Variants in M1AP observed in about 807,000 individuals in gnomAD.
M1AP encodes the protein meiosis 1 associated protein.
Under a neutral mutation model 51.2 loss-of-function variants are expected in M1AP, and 39 were observed. That is an observed-to-expected ratio of 0.76 (90% CI 0.59 to 1.00). The LOEUF is 1.00. Among genes scored for constraint, M1AP ranks in the 50% least tolerant of loss-of-function variants. The pLI is 0.00. For missense variants in M1AP, 545 were observed against 641.2 expected (o/e 0.85, Z 1.62); for synonymous variants, 251 against 249.2 (o/e 1.01, Z -0.07).
intron 4 of M1AP, among the ~76,000 whole-genome samples, chr2:74,582,688 C>A (rs188784950): frequency 6.6e-6 from 1 of 152,082 alleles, no homozygotes; most frequent in African/African-American, 2.4e-5. Flanking sequence ...TACTTCTATA[C>A]TGTTTGAATT....
At chr2:74,643,266 T>G (rs1230053321) in intron 1 of M1AP, among the ~76,000 whole-genome samples, 7 of 152,144 alleles carry the variant, frequency 4.6e-5, no homozygotes, top group African/African-American at 1.7e-4. Flanking sequence ...AATGGATAAA[T>G]CATAGTATAT....
chr2:74,640,125 G>C lies in M1AP; in HGVS notation c.151C>G (p.Leu51Val), dbSNP rs1191151446. The change falls in exon 2 of 11, where the codon CTA (leucine) becomes GTA (valine). Residue 51 changes from leucine (L) to valine (V), a missense_variant. By Grantham distance (32) the Leu-to-Val change is conservative (BLOSUM62 1). Coordinates refer to ENST00000421985, the MANE Select transcript of M1AP (RefSeq NM_001321739.2). ...LCEALQNFFSLACSLMGPSRM... is the reference protein window; with the variant it reads ...LCEALQNFFSVACSLMGPSRM... ...CTGGGGCCCATCAAGCTGCAGGCTA[G>C]AGAGAAGAAGTTCTGCAGAGCCTCA... is the stretch of plus-strand genomic sequence containing the variant. 6 of 1,614,064 alleles carry C rather than the reference G, an allele frequency of 3.7e-6. No homozygotes were observed. Among genetic ancestry groups the C allele is most frequent in the Non-Finnish European group, 4.2e-6 (5 of 1,180,004 alleles).
rs1156595449 is a variant in M1AP at position 74,609,382 on chromosome 2, C to G, written c.427-2159G>C. On this transcript the variant is annotated intron_variant, in intron 3 of 10. Transcript: ENST00000421985. ...GACTCATCCATGTTGTCACAAACAA[C>G]AGGCTTTTATTCTTTCTTATGAAGG... 3.3e-5 allele frequency among the ~76,000 whole-genome samples: 5 copies of G among 152,308 alleles called. No individual in the cohort carries two copies. The East Asian group carries it at 9.6e-4, about 29-fold the overall frequency.
At chr2:74,618,885 T>C in intron 2 of M1AP, 1 of 518,624 alleles carries the variant, frequency 1.9e-6, no homozygotes. Context: ...TGTTCAGTCT[T>C]ACAGCTCTTG....
At chr2:74,604,110 T>C (rs2104690293) in intron 4 of M1AP, among the ~76,000 whole-genome samples, 1 of 152,338 alleles carries the variant, frequency 6.6e-6, no homozygotes, top group South Asian at 2.1e-4. Context: ...TGCCTTAGAA[T>C]GAAATCCAAA....
chr2:74,564,541 T>C (rs935018508), intron 7 of M1AP, among the ~76,000 whole-genome samples: 2 of 152,238 alleles, frequency 1.3e-5, no homozygotes, highest in African/African-American at 4.8e-5. Flanking sequence ...AGGCACCAGG[T>C]ACTGTGCCAA....
chr2:74,637,779 T>G (rs1017582379), intron 2 of M1AP, among the ~76,000 whole-genome samples: 1 of 152,234 alleles, frequency 6.6e-6, no homozygotes, highest in African/African-American at 2.4e-5. Context: ...CAGGTACCAC[T>G]GTCTCTAGTC....
At chr2:74,616,659 C>T (rs1016834499) in intron 2 of M1AP, among the ~76,000 whole-genome samples, 1 of 152,118 alleles carries the variant, frequency 6.6e-6, no homozygotes, top group African/African-American at 2.4e-5. Context: ...TTCCTATGAG[C>T]ATAGGCTCTA....
At chr2:74,566,271 G>T (rs542067841) in intron 7 of M1AP, among the ~76,000 whole-genome samples, 75 of 152,158 alleles carry the variant, frequency 4.9e-4, no homozygotes, top group Non-Finnish European at 7.8e-4. Flanking sequence ...TCATATCAGA[G>T]AGCTATGGTG....
intron 1 of M1AP, among the ~76,000 whole-genome samples, chr2:74,645,163 C>T (rs949787478): frequency 6.6e-5 from 10 of 152,114 alleles, no homozygotes; most frequent in African/African-American, 1.9e-4. Flanking sequence ...ACTCCACACA[C>T]GCCGCCTTAA....
At chr2:74,608,326 T>A (rs1381045673) in intron 3 of M1AP, among the ~76,000 whole-genome samples, 1 of 152,218 alleles carries the variant, frequency 6.6e-6, no homozygotes, top group Non-Finnish European at 1.5e-5. Flanking sequence ...GTCATATAGT[T>A]GGGGATATAT....
At position 74,560,171 on chromosome 2, in the gene M1AP, C is replaced by T; in HGVS notation, c.1402G>A (p.Glu468Lys). The T allele has an allele frequency of 3.1e-6, 5 of 1,613,888 alleles. No homozygotes were observed. The highest frequency in any genetic ancestry group is 2.2e-5 in the East Asian group (1 of 44,862). The change falls in exon 9 of 11, where the codon GAG (glutamate) becomes AAG (lysine). Residue 468 changes from glutamate (E) to lysine (K), a missense_variant. Physicochemically the swap from Glu to Lys is moderately conservative, Grantham distance 56. Coordinates refer to ENST00000421985, the MANE Select transcript of M1AP (RefSeq NM_001321739.2). The part of the protein sequence containing the change: ...KPQGRLHPHW[E>K]SRAPRKHPCK... Reference sequence around the variant, plus strand: ...GGTACCTTTCTCGGAGCTCGGCTCTCCCAGTGTGGGTGGAGCCGCCCCTGA... The same window carrying T: ...GGTACCTTTCTCGGAGCTCGGCTCTTCCAGTGTGGGTGGAGCCGCCCCTGA...
At chr2:74,637,872 C>G (rs6739708) in intron 2 of M1AP, among the ~76,000 whole-genome samples, 58,326 of 151,872 alleles carry the variant, frequency 0.38, 18,208 homozygotes, top group African/African-American at 0.83. Context: ...ACTCAAGGGG[C>G]ACCCTCTTCA....
chr2:74,589,171 T>C (rs940938456), intron 4 of M1AP, among the ~76,000 whole-genome samples: 1 of 152,246 alleles, frequency 6.6e-6, no homozygotes, highest in Non-Finnish European at 1.5e-5. Flanking sequence ...AAGTGAGTCA[T>C]AAAAACATTT....
At chr2:74,630,613 G>A (rs1223508567) in intron 2 of M1AP, among the ~76,000 whole-genome samples, 1 of 152,194 alleles carries the variant, frequency 6.6e-6, no homozygotes, top group Non-Finnish European at 1.5e-5. Flanking sequence ...TTAGTTTGCT[G>A]AGTATGATGG....
chr2:74,616,429 A>C (rs2104744519), intron 2 of M1AP, among the ~76,000 whole-genome samples: 1 of 152,314 alleles, frequency 6.6e-6, no homozygotes, highest in African/African-American at 2.4e-5. Flanking sequence ...TTTGATACTC[A>C]CCATTATTCA....
At chr2:74,632,710 CA>C (rs1162913310) in intron 2 of M1AP, among the ~76,000 whole-genome samples, 3 of 152,156 alleles carry the variant, frequency 2.0e-5, no homozygotes, top group African/African-American at 7.2e-5. Context: ...TGTAAATAAT[CA>C]AAGGCTTACC....
chr2:74,558,524 C>A lies in M1AP; in HGVS notation c.*192G>T. On this transcript the variant is annotated 3_prime_UTR_variant, in exon 11 of 11. Transcript: ENST00000421985. ...AAGTCCTTGCTGGAGAAAGGACAGGCTCGGGTGTGTCGCTTCCAGACTTGA... is the reference window on the plus strand; with the variant it reads ...AAGTCCTTGCTGGAGAAAGGACAGGATCGGGTGTGTCGCTTCCAGACTTGA... 1 of 581,872 alleles carries A rather than the reference C, an allele frequency of 1.7e-6. No individual in the cohort carries two copies. The highest frequency in any genetic ancestry group is 2.9e-6 in the Non-Finnish European group (1 of 340,636). 36.0% of individuals were successfully genotyped at this position (581,872 alleles called of 1,614,324 possible). A position where few individuals can be genotyped will look rare whatever the true frequency, so the allele number is the denominator to read the frequency against.
chr2:74,584,828 A>T lies in M1AP; in HGVS notation c.596-2981T>A, dbSNP rs1025630877. Among the ~76,000 whole-genome samples the T allele has an allele frequency of 9.3e-4, 131 of 141,616 alleles. 1 individual carries two copies. The highest frequency in any genetic ancestry group is 3.6e-3 in the Middle Eastern group (1 of 278). The allele number at this position is 141,616 out of a possible 152,430, so 92.9% of individuals were successfully genotyped here. On this transcript the variant is annotated intron_variant, in intron 4 of 10. Coordinates refer to ENST00000421985, the MANE Select transcript of M1AP (RefSeq NM_001321739.2). ...GCCATATATATATATATATATATAT[A>T]TTTTATTATTATTTTTTTATTTTAT... is the stretch of plus-strand genomic sequence containing the variant.
Sources: gnomAD v4.1 joint callset for allele counts (sites outside exome capture counted in the v4.1 genomes callset) on GRCh38, gnomAD v4.1.1 for gene constraint, MANE v1.5 for transcripts, NCBI Gene and HGNC (gene_info 2026-07-23, HGNC 2026-07-21) for gene names.